TENM3: variants seen among roughly 807,000 people sequenced by gnomAD.
TENM3 encodes teneurin-3.
TENM3 carries 63 observed loss-of-function variants against 255.1 expected under a neutral mutation model. The observed-to-expected ratio is 0.25, with a 90% confidence interval of 0.20 to 0.30. The LOEUF (loss-of-function observed/expected upper bound fraction) is 0.30. Among genes scored for constraint, TENM3 ranks in the 10% least tolerant of loss-of-function variants. TENM3 has a pLI of 1.00. For missense variants in TENM3, 2,929 were observed against 3,461.1 expected (o/e 0.85, Z 3.86); for synonymous variants, 1,306 against 1,322.3 (o/e 0.99, Z 0.27).
chr4:182,518,317 G>C lies in TENM3; in HGVS notation c.512-82607G>C, dbSNP rs1738211476. 2.0e-5 allele frequency among the ~76,000 whole-genome samples: 3 copies of C among 152,086 alleles called. No homozygotes were observed. The South Asian group carries it at 6.2e-4, about 32-fold the overall frequency. On this transcript the variant is annotated intron_variant, in intron 3 of 27. Transcript: ENST00000511685. ...TTCTGTATGAATCGTGACTGTGAGT[G>C]GGATCTGTGAATATGATGGAATATC...
At chr4:182,653,348 G>A (rs926096947) in intron 5 of TENM3, among the ~76,000 whole-genome samples, 2 of 152,196 alleles carry the variant, frequency 1.3e-5, no homozygotes, top group African/African-American at 4.8e-5. Context: ...CGCAAAGGTA[G>A]AGGATCATGT....
intron 3 of TENM3, among the ~76,000 whole-genome samples, chr4:182,501,373 T>TGGGG (rs57346256): frequency 1.5e-5 from 2 of 135,304 alleles, no homozygotes; most frequent in African/African-American, 5.6e-5. Context: ...TGTCTAAAAG[T>TGGGG]GGGGGGGGGG....
the TENM3 span, among the ~76,000 whole-genome samples, chr4:181,797,809 C>A: frequency 1.3e-5 from 2 of 152,280 alleles, no homozygotes; most frequent in Admixed American, 6.5e-5. Flanking sequence ...CCTGGCACAA[C>A]CTTAACGTCG....
intron 6 of TENM3, among the ~76,000 whole-genome samples, chr4:182,662,513 C>A (rs1355277180): frequency 1.3e-5 from 2 of 152,142 alleles, no homozygotes; most frequent in Non-Finnish European, 2.9e-5. Flanking sequence ...TCTATTTTTT[C>A]CTCCAGTTTT....
chr4:182,496,364 A>G (rs1735772224), intron 3 of TENM3, among the ~76,000 whole-genome samples: 1 of 152,022 alleles, frequency 6.6e-6, no homozygotes, highest in African/African-American at 2.4e-5. Flanking sequence ...TATTCAAACC[A>G]CTTTAAGCAT....
At chr4:182,524,008 A>G (rs1738860953) in intron 3 of TENM3, among the ~76,000 whole-genome samples, 2 of 152,208 alleles carry the variant, frequency 1.3e-5, no homozygotes, top group Non-Finnish European at 2.9e-5. Flanking sequence ...TAGGAAAAAA[A>G]AGAGCTAGAA....
the TENM3 span, among the ~76,000 whole-genome samples, chr4:181,491,663 G>T: frequency 1.1e-3 from 163 of 152,178 alleles, no homozygotes; most frequent in Middle Eastern, 3.5e-3. Context: ...ACTTTTGAAT[G>T]ATGTTGAAAA....
At chr4:181,635,767 G>A in the TENM3 span, among the ~76,000 whole-genome samples, 1 of 152,182 alleles carries the variant, frequency 6.6e-6, no homozygotes, top group Non-Finnish European at 1.5e-5. Flanking sequence ...TGGGAAGAAA[G>A]GGTGCAAGAG....
At chr4:182,312,243 C>A (rs187715541) in intron 1 of TENM3, among the ~76,000 whole-genome samples, 4 of 152,128 alleles carry the variant, frequency 2.6e-5, no homozygotes, top group Non-Finnish European at 4.4e-5. Context: ...CGCCTGTAGT[C>A]CCCAGTACTT....
chr4:182,165,744 C>CT (rs936210618), intron 1 of TENM3, among the ~76,000 whole-genome samples: 5 of 152,146 alleles, frequency 3.3e-5, no homozygotes, highest in Admixed American at 1.3e-4. Context: ...CCCTTTCACT[C>CT]TTTTTTGGGG....
intron 2 of TENM3, among the ~76,000 whole-genome samples, chr4:182,328,627 GAGA>G (rs2150534374): frequency 6.6e-6 from 1 of 152,310 alleles, no homozygotes; most frequent in East Asian, 1.9e-4. Flanking sequence ...AAGGCAGTTT[GAGA>G]ACGACAGGCA....
intron 6 of TENM3, among the ~76,000 whole-genome samples, chr4:182,666,218 T>A (rs890473231): frequency 2.6e-5 from 4 of 152,168 alleles, no homozygotes; most frequent in African/African-American, 7.2e-5. Context: ...TTACTCCTGA[T>A]GAAGAAGCTA....
At chr4:182,471,628 T>TGTGA (rs1491451609) in intron 3 of TENM3, among the ~76,000 whole-genome samples, 2 of 47,912 alleles carry the variant, frequency 4.2e-5, no homozygotes, top group Non-Finnish European at 9.9e-5. Flanking sequence ...CACATGCCTC[T>TGTGA]GTGTGTGTGT....
At chr4:182,140,987 C>CCG (rs1203844789), upstream of TENM3, among the ~76,000 whole-genome samples, 14 of 113,830 alleles carry the variant, frequency 1.2e-4, 1 homozygote, top group African/African-American at 5.2e-4. Flanking sequence ...CCCATTATAT[C>CCG]CCTCCCCCCC....
intron 1 of TENM3, among the ~76,000 whole-genome samples, chr4:182,237,888 G>A (rs1756992217): frequency 6.6e-6 from 1 of 152,104 alleles, no homozygotes; most frequent in Non-Finnish European, 1.5e-5. Flanking sequence ...ATAAGAGATT[G>A]TGGACCTGTA....
chr4:181,817,732 C>T, the TENM3 span, among the ~76,000 whole-genome samples: 4 of 152,148 alleles, frequency 2.6e-5, no homozygotes, highest in Non-Finnish European at 4.4e-5. Context: ...GAGGATGCAA[C>T]CTTCAAGGTG....
At chr4:182,426,591 C>G (rs1771242194) in intron 3 of TENM3, among the ~76,000 whole-genome samples, 1 of 152,098 alleles carries the variant, frequency 6.6e-6, no homozygotes, top group Non-Finnish European at 1.5e-5. Context: ...TGGGACTAAT[C>G]TAGTCATTAA....
At chr4:181,739,176 A>C in the TENM3 span, among the ~76,000 whole-genome samples, 4 of 152,350 alleles carry the variant, frequency 2.6e-5, no homozygotes, top group Non-Finnish European at 1.5e-5. Flanking sequence ...TTGTAATTGC[A>C]TTCAATCAGC....
chr4:182,346,782 A>G lies in TENM3; in HGVS notation c.364A>G (p.Asn122Asp). The change falls in exon 3 of 28, where the codon AAT (asparagine) becomes GAT (aspartate). Residue 122 changes from asparagine (N) to aspartate (D), a missense_variant. By Grantham distance (23) the Asn-to-Asp change is conservative (BLOSUM62 1). Transcript: ENST00000511685. ...TGCAGGGTCAGATGCTGATACTGAA[A>G]ATGAAGCAGTGATGTCCCCAGAGCA... ...ISAGSDADTE[N>D]EAVMSPEHAM... is the part of the protein sequence containing the mutation. 6.2e-7 allele frequency: 1 copy of G among 1,613,622 alleles called. No individual in the cohort carries two copies. Among genetic ancestry groups the G allele is most frequent in the Non-Finnish European group, 8.5e-7 (1 of 1,179,780 alleles).
Sources: gnomAD v4.1 joint callset for allele counts (sites outside exome capture counted in the v4.1 genomes callset) on GRCh38, gnomAD v4.1.1 for gene constraint, MANE v1.5 for transcripts, NCBI Gene and HGNC (gene_info 2026-07-23, HGNC 2026-07-21) for gene names.